SDCCAG8: variants seen among roughly 807,000 people sequenced by gnomAD.
SDCCAG8 encodes the protein SHH signaling and ciliogenesis regulator SDCCAG8, also known as serologically defined colon cancer antigen 8.
SDCCAG8 carries 74 observed loss-of-function variants against 101.8 expected under a neutral mutation model. That is an observed-to-expected ratio of 0.73 (90% CI 0.60 to 0.88). The LOEUF (loss-of-function observed/expected upper bound fraction) is 0.88. SDCCAG8 is among the 40% of genes least tolerant of loss of function. SDCCAG8 has a pLI of 0.00. For missense variants in SDCCAG8, 787 were observed against 822.6 expected (o/e 0.96, Z 0.53); for synonymous variants, 281 against 292.9 (o/e 0.96, Z 0.41).
intron 17 of SDCCAG8, among the ~76,000 whole-genome samples, chr1:243,489,780 C>T (rs1021557894): frequency 6.6e-6 from 1 of 152,164 alleles, no homozygotes; most frequent in Admixed American, 6.5e-5. Flanking sequence ...GTAGGGACAC[C>T]GCAAACGGAG....
At chr1:243,324,364 T>TTC (rs1346822655) in intron 9 of SDCCAG8, among the ~76,000 whole-genome samples, 1 of 152,036 alleles carries the variant, frequency 6.6e-6, no homozygotes, top group South Asian at 2.1e-4. Context: ...CCCAAGGTCT[T>TTC]TCTCTCTCTC....
intron 12 of SDCCAG8, among the ~76,000 whole-genome samples, chr1:243,356,065 C>G (rs1022290300): frequency 5.9e-5 from 9 of 152,168 alleles, no homozygotes; most frequent in Non-Finnish European, 1.0e-4. Context: ...AGTGTTTCTT[C>G]CCTAATATAC....
At chr1:243,311,380 T>G (rs1222239258) in intron 8 of SDCCAG8, among the ~76,000 whole-genome samples, 1 of 152,072 alleles carries the variant, frequency 6.6e-6, no homozygotes, top group Non-Finnish European at 1.5e-5. Flanking sequence ...ATTTTTCCCC[T>G]TCGAGGTTCA....
chr1:243,312,775 C>T (rs1416057831), intron 8 of SDCCAG8, among the ~76,000 whole-genome samples: 4 of 151,646 alleles, frequency 2.6e-5, no homozygotes, highest in African/African-American at 4.8e-5. Context: ...ACTTGGAGAC[C>T]AGGCCACCCA....
intron 8 of SDCCAG8, among the ~76,000 whole-genome samples, chr1:243,308,745 T>G (rs913490573): frequency 6.6e-6 from 1 of 152,224 alleles, no homozygotes; most frequent in Non-Finnish European, 1.5e-5. Context: ...AGTGAAACAA[T>G]TCTCTTCGTA....
intron 16 of SDCCAG8, among the ~76,000 whole-genome samples, chr1:243,435,337 G>C (rs887361498): frequency 6.6e-6 from 1 of 152,116 alleles, no homozygotes; most frequent in African/African-American, 2.4e-5. Flanking sequence ...TCTCCAAAAT[G>C]CTACCTTGTA....
intron 6 of SDCCAG8, 27 bp downstream of exon 6, chr1:243,293,246 T>G: frequency 1.9e-6 from 3 of 1,608,884 alleles, no homozygotes; most frequent in Non-Finnish European, 2.5e-6. Context: ...TTTTCTCTTA[T>G]ACATCTTTTT....
chr1:243,417,812 AGAT>A (rs2080700023), intron 14 of SDCCAG8, among the ~76,000 whole-genome samples, 153 bp from the exon 15 acceptor site: 1 of 152,162 alleles, frequency 6.6e-6, no homozygotes, highest in Non-Finnish European at 1.5e-5. Flanking sequence ...GTGTCTTTCC[AGAT>A]GATAAGTCCT....
intron 13 of SDCCAG8, among the ~76,000 whole-genome samples, chr1:243,405,744 A>G (rs1039740522): frequency 5.9e-5 from 9 of 152,216 alleles, no homozygotes; most frequent in Non-Finnish European, 7.4e-5. Flanking sequence ...TATTCTCAAC[A>G]TTCTAGATAA....
chr1:243,389,440 T>C (rs2078561014), intron 13 of SDCCAG8, among the ~76,000 whole-genome samples: 1 of 152,204 alleles, frequency 6.6e-6, no homozygotes, highest in Non-Finnish European at 1.5e-5. Context: ...TGCATAGTGC[T>C]GTTCCAGCTG....
chr1:243,317,318 C>CT (rs2073342081), intron 9 of SDCCAG8, among the ~76,000 whole-genome samples: 1 of 141,348 alleles, frequency 7.1e-6, no homozygotes. Context: ...TATTTAGTAG[C>CT]ATTTTTTTTT....
At chr1:243,439,622 T>TCTCACACACACACA (rs541157518) in intron 16 of SDCCAG8, among the ~76,000 whole-genome samples, 13 of 120,202 alleles carry the variant, frequency 1.1e-4, no homozygotes, top group African/African-American at 3.6e-4. Flanking sequence ...TGAGACTCCA[T>TCTCACACACACACA]CACACACACA....
At chr1:243,310,891 T>A (rs1346149377) in intron 8 of SDCCAG8, among the ~76,000 whole-genome samples, 1 of 152,124 alleles carries the variant, frequency 6.6e-6, no homozygotes, top group Non-Finnish European at 1.5e-5. Context: ...AATAAAAAAA[T>A]TAAAGAACAA....
intron 6 of SDCCAG8, among the ~76,000 whole-genome samples, chr1:243,296,637 G>A (rs1480819714): frequency 2.9e-5 from 4 of 138,460 alleles, no homozygotes; most frequent in Non-Finnish European, 4.5e-5. Flanking sequence ...CCGCCTTCCG[G>A]GTTCACGCCA....
At chr1:243,453,588 G>C (rs2083522977) in intron 16 of SDCCAG8, among the ~76,000 whole-genome samples, 1 of 152,136 alleles carries the variant, frequency 6.6e-6, no homozygotes, top group Non-Finnish European at 1.5e-5. Context: ...GAATGTTCTG[G>C]ATGTAAGAAA....
At chr1:243,336,943 A>T (rs2075051791) in intron 10 of SDCCAG8, among the ~76,000 whole-genome samples, 1 of 151,878 alleles carries the variant, frequency 6.6e-6, no homozygotes, top group African/African-American at 2.4e-5. Context: ...CCCATTCTGT[A>T]GGTTGTCTGT....
rs745346608 is a variant in SDCCAG8, at chr1:243,499,803, G to GAAAT, written c.*23_*26dup. 3.1e-6 allele frequency: 5 copies of GAAAT among 1,609,796 alleles called. No homozygotes were observed. Among genetic ancestry groups the GAAAT allele is most frequent in the East Asian group, 2.2e-5 (1 of 44,864 alleles). On this transcript the variant is annotated 3_prime_UTR_variant, in exon 18 of 18. Coordinates refer to ENST00000366541, the MANE Select transcript of SDCCAG8 (RefSeq NM_006642.5). The stretch of plus-strand genomic sequence containing the variant: ...ATTGCTGACCTGGATGGAACAGAGT[G>GAAAT]AAATAAATGATTTACAAAGAGATAT...
intron 5 of SDCCAG8, among the ~76,000 whole-genome samples, chr1:243,289,078 T>C (rs1056245833): frequency 6.6e-6 from 1 of 151,710 alleles, no homozygotes; most frequent in African/African-American, 2.4e-5. Flanking sequence ...AGAACTAATA[T>C]GATATAATAT....
intron 16 of SDCCAG8, among the ~76,000 whole-genome samples, chr1:243,485,225 C>T (rs1030013952): frequency 6.6e-6 from 1 of 152,198 alleles, no homozygotes; most frequent in Non-Finnish European, 1.5e-5. Flanking sequence ...TAATTAACAT[C>T]TCAGCTTGTT....
Sources: allele counts gnomAD v4.1 joint callset (sites outside exome capture counted in the v4.1 genomes callset), GRCh38; gene constraint gnomAD v4.1.1; transcripts MANE v1.5; gene names NCBI Gene and HGNC (gene_info 2026-07-23, HGNC 2026-07-21).